Variants in ADGRL2 observed in about 807,000 individuals in gnomAD.
ADGRL2 encodes calcium-independent alpha-latrotoxin receptor 2.
In ADGRL2, 44 loss-of-function variants were observed where a neutral mutation model predicts 157.4. The ratio of observed to expected loss-of-function variants is 0.28; its 90% CI spans 0.22 to 0.36. ADGRL2 has a LOEUF of 0.36. Among genes scored for constraint, ADGRL2 ranks in the 10% least tolerant of loss-of-function variants. The pLI is 1.00. For synonymous variants in ADGRL2, 585 were observed against 624.7 expected, an observed-to-expected ratio of 0.94 and a Z score of 0.95; for missense variants, 1,510 against 1,768.9, an observed-to-expected ratio of 0.85 and a Z score of 2.63.
At chr1:81,974,883 GTTA>G (rs927600073) in intron 17 of ADGRL2, among the ~76,000 whole-genome samples, 11 of 151,800 alleles carry the variant, frequency 7.2e-5, no homozygotes, top group African/African-American at 2.4e-4. Context: ...ATATTGGTGG[GTTA>G]TTATAAATAA....
chr1:81,487,268 G>T (rs1021787113), intron 2 of ADGRL2, among the ~76,000 whole-genome samples: 2 of 151,836 alleles, frequency 1.3e-5, no homozygotes, highest in East Asian at 3.9e-4. Flanking sequence ...TCAAAAAAAC[G>T]AAAGGAAAAG....
intron 3 of ADGRL2, among the ~76,000 whole-genome samples, chr1:81,650,030 G>A (rs982783231): frequency 1.3e-5 from 2 of 150,162 alleles, no homozygotes; most frequent in Non-Finnish European, 2.9e-5. Context: ...TTATTTGTGG[G>A]TGATAAAAGT....
intron 2 of ADGRL2, among the ~76,000 whole-genome samples, chr1:81,512,171 T>C (rs945934706): frequency 3.3e-5 from 5 of 152,174 alleles, no homozygotes; most frequent in African/African-American, 7.2e-5. Flanking sequence ...AAAAAAAAGA[T>C]GAGAGAATGG....
intron 2 of ADGRL2, among the ~76,000 whole-genome samples, chr1:81,505,336 C>G (rs992851568): frequency 6.6e-6 from 1 of 151,182 alleles, no homozygotes; most frequent in East Asian, 2.0e-4. Flanking sequence ...GGCACTGGGC[C>G]CATTTGAAGG....
At chr1:81,643,484 T>C (rs528847045) in intron 3 of ADGRL2, among the ~76,000 whole-genome samples, 33 of 152,238 alleles carry the variant, frequency 2.2e-4, no homozygotes, top group Middle Eastern at 6.8e-3. Context: ...AGCTAATTTT[T>C]ATTTTTTAGA....
rs114346924 is a variant in ADGRL2, at chr1:81,367,621, G to A, written c.-302+61112G>A. 2.4e-3 allele frequency among the ~76,000 whole-genome samples: 365 copies of A among 152,122 alleles called. 1 individual carries two copies. The highest frequency in any genetic ancestry group is 7.8e-3 in the African/African-American group (324 of 41,512). ...ATTGCCCAGGCTGGAGCGCAATGGC[G>A]TGATCACTGCAACCTCTGCCTCCCG... On this transcript the variant is annotated intron_variant, in intron 1 of 24. Transcript: ENST00000370721.
intron 3 of ADGRL2, among the ~76,000 whole-genome samples, chr1:81,616,654 T>TTTTTCTTTTCTTTTC (rs374350208): frequency 1.9e-5 from 2 of 104,692 alleles, no homozygotes; most frequent in Non-Finnish European, 4.1e-5. Flanking sequence ...GGGTTTTTTT[T>TTTTTCTTTTCTTTTC]TTTTCTTTTC....
intron 3 of ADGRL2, among the ~76,000 whole-genome samples, chr1:81,629,745 G>A (rs948494709): frequency 6.6e-6 from 1 of 151,536 alleles, no homozygotes; most frequent in Non-Finnish European, 1.5e-5. Context: ...GTATGTGTTT[G>A]TGTGTGTATA....
At chr1:81,481,637 C>A (rs541906015) in intron 2 of ADGRL2, among the ~76,000 whole-genome samples, 63 of 152,154 alleles carry the variant, frequency 4.1e-4, no homozygotes, top group Non-Finnish European at 8.4e-4. Context: ...ATTGAACTAC[C>A]TGCTGAGATC....
chr1:81,323,230 G>T (rs1445328823), intron 1 of ADGRL2, among the ~76,000 whole-genome samples: 2 of 150,650 alleles, frequency 1.3e-5, no homozygotes, highest in African/African-American at 2.5e-5. Flanking sequence ...AAATAGAAAA[G>T]AAAATTTTTC....
At position 81,422,497 on chromosome 1, in the gene ADGRL2, G is replaced by A. The variant is rs11811362; in HGVS notation, c.-301-22539G>A. Among the ~76,000 whole-genome samples, 978 of 152,262 alleles carry A rather than the reference G, an allele frequency of 6.4e-3. 16 individuals are homozygous for A. The highest frequency in any genetic ancestry group is 0.021 in the African/African-American group (869 of 41,560). On this transcript the variant is annotated intron_variant, in intron 1 of 24. Coordinates refer to the ADGRL2 transcript ENST00000370721. ...TGACCTCAAGTGATCCACCCGCCTC[G>A]GCCTCCCAAAGTGCTGGGATCACAG...
intron 2 of ADGRL2, among the ~76,000 whole-genome samples, chr1:81,461,628 T>C (rs926235915): frequency 3.3e-5 from 5 of 152,310 alleles, no homozygotes; most frequent in African/African-American, 1.2e-4. Flanking sequence ...AGGCATGTCA[T>C]GCAAGCTCTT....
At chr1:81,870,314 G>A (rs1269497566) in intron 2 of ADGRL2, among the ~76,000 whole-genome samples, 1 of 151,916 alleles carries the variant, frequency 6.6e-6, no homozygotes, top group Non-Finnish European at 1.5e-5. Context: ...AGAACGACCA[G>A]TGATCCTCCT....
chr1:81,399,184 A>C (rs533866146), intron 1 of ADGRL2, among the ~76,000 whole-genome samples: 20 of 152,288 alleles, frequency 1.3e-4, no homozygotes, highest in Non-Finnish European at 2.6e-4. Context: ...ATCAGATCTC[A>C]TGAGAACTTA....
At chr1:81,776,548 A>T (rs767124814) in intron 2 of ADGRL2, among the ~76,000 whole-genome samples, 2 of 152,234 alleles carry the variant, frequency 1.3e-5, no homozygotes, top group Non-Finnish European at 2.9e-5. Flanking sequence ...TTGAAGAAAC[A>T]GATAAAGAAA....
intron 1 of ADGRL2, among the ~76,000 whole-genome samples, chr1:81,833,696 C>T (rs111983581): frequency 2.0e-5 from 3 of 152,124 alleles, no homozygotes; most frequent in East Asian, 1.9e-4. Context: ...CAGTTTTAGG[C>T]GCGGGATATT....
chr1:81,801,187 T>G (rs1198640059), intron 1 of ADGRL2, among the ~76,000 whole-genome samples, 119 bp downstream of exon 1: 1 of 152,196 alleles, frequency 6.6e-6, no homozygotes, highest in Non-Finnish European at 1.5e-5. Flanking sequence ...CTGCTCCACG[T>G]TTTGTACTTA....
intron 3 of ADGRL2, among the ~76,000 whole-genome samples, chr1:81,620,962 G>C (rs946598862): frequency 7.9e-5 from 12 of 152,180 alleles, no homozygotes; most frequent in African/African-American, 2.9e-4. Flanking sequence ...AATCAACTTT[G>C]AAATAACGGA....
intron 1 of ADGRL2, among the ~76,000 whole-genome samples, chr1:81,709,130 C>T (rs575892120): frequency 2.6e-5 from 4 of 152,006 alleles, no homozygotes; most frequent in African/African-American, 4.8e-5. Context: ...GCCAATGAAA[C>T]GATGATATAC....
Sources: gnomAD v4.1 joint callset for allele counts (sites outside exome capture counted in the v4.1 genomes callset) on GRCh38, gnomAD v4.1.1 for gene constraint, MANE v1.5 for transcripts, NCBI Gene and HGNC (gene_info 2026-07-23, HGNC 2026-07-21) for gene names.